The following DST variants were observed in gnomAD, a reference collection of about 807,000 sequenced individuals.
The protein encoded by DST is dystonin.
DST carries 253 observed loss-of-function variants against 875.2 expected under a neutral mutation model. The ratio of observed to expected loss-of-function variants is 0.29; its 90% CI spans 0.26 to 0.32. The LOEUF (loss-of-function observed/expected upper bound fraction) is 0.32. Ranked by LOEUF, DST falls within the 10% of genes least tolerant of loss-of-function variation. The pLI, the probability that DST is intolerant of heterozygous loss-of-function variation, is 1.00. For synonymous variants in DST, 3,124 were observed against 3,197.1 expected (o/e 0.98, Z 0.77); for missense variants, 8,287 against 9,111.6 (o/e 0.91, Z 3.68).
chr6:56,855,161 C>G (rs1022606049), intron 3 of DST, among the ~76,000 whole-genome samples: 2 of 152,134 alleles, frequency 1.3e-5, no homozygotes, highest in African/African-American at 4.8e-5. Flanking sequence ...AAGCCAAAAA[C>G]CCAGTACAGT....
intron 10 of DST, among the ~76,000 whole-genome samples, chr6:56,659,147 C>T (rs568259975): frequency 6.6e-6 from 1 of 152,228 alleles, no homozygotes; most frequent in African/African-American, 2.4e-5. Context: ...CCCACAGAAT[C>T]CAGTTAAGTG....
In DST at chr6:56,605,738, T is replaced by C; in HGVS notation, c.8890A>G (p.Ile2964Val). 1 of 1,612,888 alleles carries C rather than the reference T, an allele frequency of 6.2e-7. No homozygotes were observed. The highest frequency in any genetic ancestry group is 2.2e-5 in the East Asian group (1 of 44,830). Reference protein sequence around the residue: ...TDLANTKVKLIQGSELPELTD... With the variant: ...TDLANTKVKLVQGSELPELTD... ...AATTCTGGCAATTCTGACCCTTGAA[T>C]CAACTTAACCTTTGTGTTTGCTAGA... is the stretch of plus-strand genomic sequence containing the variant. The change falls in exon 40 of 104, where the codon ATT becomes GTT. Residue 2964 changes from isoleucine to valine, a missense_variant. By Grantham distance (29) the Ile-to-Val change is conservative. This residue lies in a region of DST where 3,138 missense variants were observed against 3,116.6 expected (regional missense o/e 1.01). Transcript: ENST00000680361.
intron 49 of DST, among the ~76,000 whole-genome samples, chr6:56,585,085 G>T (rs1341018000): frequency 6.6e-6 from 1 of 152,134 alleles, no homozygotes; most frequent in Non-Finnish European, 1.5e-5. Flanking sequence ...CCCGGCTTTG[G>T]GATCAGGATG....
At chr6:56,823,390 T>C (rs1253510729) in intron 4 of DST, among the ~76,000 whole-genome samples, 4 of 152,174 alleles carry the variant, frequency 2.6e-5, no homozygotes, top group African/African-American at 9.6e-5. Flanking sequence ...TTATGTAGCA[T>C]GAAATAAGGA....
chr6:56,583,149 T>C (rs981129548), intron 49 of DST, among the ~76,000 whole-genome samples: 1 of 152,240 alleles, frequency 6.6e-6, no homozygotes, highest in Admixed American at 6.5e-5. Flanking sequence ...TTTCTAGTTC[T>C]AGATCCCTGA....
At chr6:56,474,794 C>T (rs1364451604) in intron 92 of DST, among the ~76,000 whole-genome samples, 1 of 151,588 alleles carries the variant, frequency 6.6e-6, no homozygotes, top group East Asian at 1.9e-4. Context: ...GAAACCCTGT[C>T]TCTACAAAAA....
intron 5 of DST, among the ~76,000 whole-genome samples, chr6:56,721,081 G>C (rs2099413900): frequency 6.7e-6 from 1 of 150,228 alleles, no homozygotes; most frequent in African/African-American, 2.5e-5. Flanking sequence ...CCACCTCCCA[G>C]ACGGGGCGGC....
Position 56,605,687 on chromosome 6 carries a change from C to T in DST, c.8941G>A (p.Glu2981Lys). ...TTTGGTGTCATATTCTTAAAATATT[C>T]ATCTTTACCTTTCACAGAATCAGTC... is the stretch of plus-strand genomic sequence containing the variant. ...ELTDSVKGKD[E>K]YFKNMTPKVD... The change falls in exon 40 of 104, where the codon GAA becomes AAA. Residue 2981 changes from glutamate to lysine, a missense_variant. This residue lies in a region of DST where 3,138 missense variants were observed against 3,116.6 expected (regional missense o/e 1.01). Transcript: ENST00000680361. The T allele has an allele frequency of 6.2e-7, 1 of 1,612,854 alleles. No homozygotes were observed. The highest frequency in any genetic ancestry group is 8.5e-7 in the Non-Finnish European group (1 of 1,179,358).
chr6:56,535,210 C>G lies in DST; in HGVS notation c.16853G>C (p.Trp5618Ser). The G allele has an allele frequency of 1.2e-6, 2 of 1,613,816 alleles. No homozygotes were observed. Among genetic ancestry groups the G allele is most frequent in the Non-Finnish European group, 1.7e-6 (2 of 1,179,808 alleles). The change falls in exon 63 of 104, where the codon TGG (tryptophan) becomes TCG (serine). Residue 5618 changes from tryptophan to serine, a missense_variant. This residue lies in a region of DST where 777 missense variants were observed against 764.8 expected (regional missense o/e 1.02). Coordinates refer to ENST00000680361, the MANE Select transcript of DST (RefSeq NM_001374736.1). ...CACAAGCTCCTCAGTGTCCACCATC[C>G]AGCTGAGCAGGGACTCCAGGGCATC... ...FQDALESLLS[W>S]MVDTEELVAN... is the part of the protein sequence containing the mutation.
At chr6:56,856,176 G>A (rs1420512982) in intron 3 of DST, among the ~76,000 whole-genome samples, 2 of 152,172 alleles carry the variant, frequency 1.3e-5, no homozygotes, top group African/African-American at 4.8e-5. Flanking sequence ...AACATTTTTA[G>A]AAGGGGAACT....
chr6:56,501,290 T>C (rs2096113325), intron 79 of DST, 55 bp from the exon 80 acceptor site: 4 of 1,512,232 alleles, frequency 2.6e-6, no homozygotes, highest in Non-Finnish European at 3.5e-6. Context: ...ATGAATGACA[T>C]GTCTATAAAA....
intron 54 of DST, among the ~76,000 whole-genome samples, 169 bp from the exon 55 acceptor site, chr6:56,568,764 T>C (rs573408386): frequency 6.6e-6 from 1 of 152,202 alleles, no homozygotes; most frequent in Non-Finnish European, 1.5e-5. Flanking sequence ...CAGGTGACTG[T>C]TATCTCAGTT....
chr6:56,764,467 T>C (rs1037651319), intron 4 of DST, among the ~76,000 whole-genome samples: 1 of 152,222 alleles, frequency 6.6e-6, no homozygotes, highest in African/African-American at 2.4e-5. Context: ...ATCCCCTGGC[T>C]GCAGGTGCGG....
chr6:56,779,287 C>T (rs2099686771), intron 4 of DST, among the ~76,000 whole-genome samples: 1 of 152,010 alleles, frequency 6.6e-6, no homozygotes, highest in Admixed American at 6.6e-5. Flanking sequence ...GATATTAGCC[C>T]TTTGTCAGAT....
intron 2 of DST, among the ~76,000 whole-genome samples, chr6:56,914,382 T>C (rs1434774493): frequency 2.6e-5 from 4 of 152,164 alleles, no homozygotes; most frequent in Non-Finnish European, 5.9e-5. Flanking sequence ...GGTGGCAGCA[T>C]GGCTTTTAGC....
chr6:56,853,982 C>A (rs1046733172), intron 3 of DST, among the ~76,000 whole-genome samples: 3 of 152,140 alleles, frequency 2.0e-5, no homozygotes, highest in African/African-American at 7.2e-5. Context: ...CTCTCCCAGG[C>A]TACATGATCC....
rs115293250 is a variant in DST, at chr6:56,942,252, T to C, written c.216+11533A>G. Among the ~76,000 whole-genome samples, 1,468 of 152,362 alleles carry C rather than the reference T, an allele frequency of 9.6e-3. 23 individuals are homozygous for C. Among genetic ancestry groups the C allele is most frequent in the African/African-American group, 0.033 (1,389 of 41,586 alleles). On this transcript the variant is annotated intron_variant, in intron 2 of 103. Coordinates refer to ENST00000680361, the MANE Select transcript of DST (RefSeq NM_001374736.1). ...TTGTAAATAGCATATAGTTAGGCCC[T>C]GCTATTTATTGATTCTGTTCATCTA...
chr6:56,652,525 T>A (rs887728007), intron 10 of DST, among the ~76,000 whole-genome samples: 8 of 152,142 alleles, frequency 5.3e-5, no homozygotes, highest in Non-Finnish European at 1.2e-4. Flanking sequence ...TCAAAGGTAG[T>A]GTGGGAGAAA....
chr6:56,601,670 A>G lies in DST; in HGVS notation c.11314T>C (p.Leu3772=). The G allele has an allele frequency of 2.6e-6, 4 of 1,564,498 alleles. No individual in the cohort carries two copies. The highest frequency in any genetic ancestry group is 2.6e-6 in the Non-Finnish European group (3 of 1,153,322). The change falls in exon 44 of 104, where the codon TTA becomes CTA. Residue 3772 remains leucine (L), a synonymous_variant. Coordinates refer to ENST00000680361, the MANE Select transcript of DST (RefSeq NM_001374736.1). ...ATTTTGGTATGTCCAAGGTCTTTTA[A>G]TACATTCTGTTAAAAAAGTAGTACA... ...KKRLEFLKNV[L]KDLGHTKMQL...
Sources: allele counts gnomAD v4.1 joint callset (sites outside exome capture counted in the v4.1 genomes callset), GRCh38; gene constraint gnomAD v4.1.1; regional missense constraint gnomAD v4.1.1; transcripts MANE v1.5; gene names NCBI Gene and HGNC (gene_info 2026-07-23, HGNC 2026-07-21).